The following WFDC11 variants were observed in gnomAD, a reference collection of about 807,000 sequenced individuals.
WFDC11 encodes the protein protein WFDC11.
WFDC11 carries 9 observed loss-of-function variants against 9.9 expected under a neutral mutation model. The ratio of observed to expected loss-of-function variants is 0.91; its 90% CI spans 0.55 to 1.58. WFDC11 has a LOEUF of 1.58. Ranked by LOEUF, WFDC11 falls within the 40% of genes most tolerant of loss-of-function variation. The pLI is 0.00. For missense variants in WFDC11, 106 were observed against 101.7 expected (o/e 1.04, Z -0.18); for synonymous variants, 32 against 33.3 (o/e 0.96, Z 0.13).
At chr20:45,660,551 G>C (rs973442480) in intron 2 of WFDC11, among the ~76,000 whole-genome samples, 2 of 152,070 alleles carry the variant, frequency 1.3e-5, no homozygotes, top group African/African-American at 4.8e-5. Flanking sequence ...ATCTCCCAAT[G>C]CTATCCCTCC....
At chr20:45,655,197 A>G (rs974766542) in intron 2 of WFDC11, among the ~76,000 whole-genome samples, 5 of 152,206 alleles carry the variant, frequency 3.3e-5, no homozygotes, top group African/African-American at 1.2e-4. Context: ...AATACTGGCA[A>G]ACTGAATCCA....
At chr20:45,652,788 C>T (rs1600936578) in intron 2 of WFDC11, among the ~76,000 whole-genome samples, 1 of 152,166 alleles carries the variant, frequency 6.6e-6, no homozygotes, top group South Asian at 2.1e-4. Context: ...GACAAATGCA[C>T]AAGCCTCAGT....
chr20:45,665,225 A>T (rs1051021516), intron 2 of WFDC11, among the ~76,000 whole-genome samples: 8 of 152,194 alleles, frequency 5.3e-5, no homozygotes, highest in Admixed American at 1.3e-4. Context: ...AAGCTTGTGC[A>T]TGCATCACGA....
chr20:45,654,953 C>T (rs1228234097), intron 2 of WFDC11, among the ~76,000 whole-genome samples: 1 of 152,002 alleles, frequency 6.6e-6, no homozygotes, highest in Non-Finnish European at 1.5e-5. Context: ...GCTTACCAAT[C>T]AAAAAAAGTC....
At chr20:45,660,310 A>G (rs1983028173) in intron 2 of WFDC11, among the ~76,000 whole-genome samples, 1 of 152,098 alleles carries the variant, frequency 6.6e-6, no homozygotes, top group African/African-American at 2.4e-5. Context: ...TAATTTCCAT[A>G]TATTTGCATG....
chr20:45,664,992 T>G (rs1447188609), intron 2 of WFDC11, among the ~76,000 whole-genome samples: 2 of 152,256 alleles, frequency 1.3e-5, no homozygotes, highest in African/African-American at 4.8e-5. Context: ...TTCTCCTGGA[T>G]AACATCCTAA....
At chr20:45,666,941 T>A (rs1475863078) in intron 2 of WFDC11, 147 bp downstream of exon 2, 1 of 152,222 alleles carries the variant, frequency 6.6e-6, no homozygotes, top group Non-Finnish European at 1.5e-5. Flanking sequence ...TCCATTTGAA[T>A]AACATAAACA....
At chr20:45,655,611 G>A (rs982974763) in intron 2 of WFDC11, among the ~76,000 whole-genome samples, 1 of 152,066 alleles carries the variant, frequency 6.6e-6, no homozygotes, top group Admixed American at 6.6e-5. Context: ...GGAAATAAAT[G>A]GTATTCAGTT....
At chr20:45,650,212 ACACACAC>A (rs1346235487) in intron 3 of WFDC11, among the ~76,000 whole-genome samples, 12 of 26,486 alleles carry the variant, frequency 4.5e-4, no homozygotes, top group African/African-American at 2.7e-3. Flanking sequence ...TGGTATATAT[ACACACAC>A]ACACACACAC....
Position 45,656,465 on chromosome 20 carries a change from T to C in WFDC11, c.-51-5814A>G, listed in dbSNP as rs562483669. 9.9e-5 allele frequency among the ~76,000 whole-genome samples: 15 copies of C among 152,126 alleles called. No homozygotes were observed. The South Asian group carries it at 2.9e-3, about 29-fold the overall frequency. ...ATGGATTAAAGACTTAAATGTTAGA[T>C]GTAAAACCATAAAAACCCTGGAAGA... On this transcript the variant is annotated intron_variant, in intron 2 of 4. Transcript: ENST00000324384.
chr20:45,669,288 A>C (rs937272701), intron 1 of WFDC11, among the ~76,000 whole-genome samples: 5 of 152,172 alleles, frequency 3.3e-5, no homozygotes, highest in Admixed American at 1.3e-4. Flanking sequence ...AACTCCATTA[A>C]ATCACATGGA....
At chr20:45,658,845 AT>A (rs1292094167) in intron 2 of WFDC11, among the ~76,000 whole-genome samples, 9 of 151,908 alleles carry the variant, frequency 5.9e-5, no homozygotes, top group Non-Finnish European at 1.2e-4. Flanking sequence ...TACATTAGGT[AT>A]TTCTCCTAAT....
chr20:45,659,539 G>A (rs1286021939), intron 2 of WFDC11, among the ~76,000 whole-genome samples: 4 of 152,012 alleles, frequency 2.6e-5, no homozygotes, highest in African/African-American at 4.8e-5. Context: ...CATATCCTTC[G>A]CCTACTTTTT....
chr20:45,657,997 CAA>C (rs1444194899), intron 2 of WFDC11, among the ~76,000 whole-genome samples: 5 of 152,036 alleles, frequency 3.3e-5, no homozygotes, highest in African/African-American at 1.2e-4. Flanking sequence ...TTTTATAAAA[CAA>C]AATTATATAA....
intron 3 of WFDC11, 98 bp downstream of exon 3, chr20:45,650,403 G>A (rs1982780455): frequency 1.1e-6 from 1 of 902,180 alleles, no homozygotes; most frequent in African/African-American, 1.6e-5. Context: ...TACGAAGGTG[G>A]GTCCTGAGTC....
chr20:45,668,924 A>C (rs1183814422), intron 1 of WFDC11, among the ~76,000 whole-genome samples: 1 of 152,182 alleles, frequency 6.6e-6, no homozygotes, highest in Non-Finnish European at 1.5e-5. Context: ...AAAGCCAATA[A>C]AAGTAGAAAT....
intron 2 of WFDC11, among the ~76,000 whole-genome samples, chr20:45,651,305 A>G (rs1443077659): frequency 6.6e-6 from 1 of 152,212 alleles, no homozygotes; most frequent in African/African-American, 2.4e-5. Flanking sequence ...TTTCAACTTT[A>G]TGATGGTGCA....
At chr20:45,667,851 G>A (rs1274650143) in intron 1 of WFDC11, among the ~76,000 whole-genome samples, 1 of 152,102 alleles carries the variant, frequency 6.6e-6, no homozygotes, top group Non-Finnish European at 1.5e-5. Context: ...TGCTATGTAT[G>A]GTTTGCTAAA....
intron 3 of WFDC11, among the ~76,000 whole-genome samples, chr20:45,650,193 T>C (rs1982770136): frequency 6.6e-6 from 1 of 150,756 alleles, no homozygotes; most frequent in Non-Finnish European, 1.5e-5. Context: ...TTTTTATGTT[T>C]ATAGCTTATG....
Sources: gnomAD v4.1 joint callset for allele counts (sites outside exome capture counted in the v4.1 genomes callset) on GRCh38, gnomAD v4.1.1 for gene constraint, MANE v1.5 for transcripts, NCBI Gene and HGNC (gene_info 2026-07-23, HGNC 2026-07-21) for gene names.